ERC2: variants seen among roughly 807,000 people sequenced by gnomAD.
ERC2 encodes ELKS/RAB6-interacting/CAST family member 2.
A neutral mutation model predicts 114.8 loss-of-function variants in ERC2; 42 were observed. The ratio of observed to expected loss-of-function variants is 0.37; its 90% confidence interval spans 0.29 to 0.47. The LOEUF (loss-of-function observed/expected upper bound fraction) is 0.47. Among genes scored for constraint, ERC2 ranks in the 20% least tolerant of loss-of-function variants. The pLI, the probability that ERC2 is intolerant of heterozygous loss-of-function variation, is 0.99. For synonymous variants in ERC2, 454 were observed against 425.5 expected (o/e 1.07, Z -0.82); for missense variants, 939 against 1,150.7 (o/e 0.82, Z 2.66).
At chr3:55,654,887 T>C (rs1172455782) in intron 17 of ERC2, among the ~76,000 whole-genome samples, 2 of 152,230 alleles carry the variant, frequency 1.3e-5, no homozygotes, top group African/African-American at 4.8e-5. Context: ...TCATTGACAC[T>C]GTGGGTGCCC....
At chr3:56,218,982 C>T (rs2049706775) in intron 3 of ERC2, among the ~76,000 whole-genome samples, 3 of 151,888 alleles carry the variant, frequency 2.0e-5, no homozygotes, top group Admixed American at 6.6e-5. Context: ...CACACCGGGG[C>T]CTGTTGTGGG....
chr3:55,691,573 A>AAAAAAAAAT (rs1553631525), intron 16 of ERC2, among the ~76,000 whole-genome samples: 4 of 39,742 alleles, frequency 1.0e-4, no homozygotes, highest in African/African-American at 1.9e-4. Flanking sequence ...AAAAAAAAAA[A>AAAAAAAAAT]ATATATATAT....
intron 2 of ERC2, among the ~76,000 whole-genome samples, chr3:56,370,580 G>A (rs1415492636): frequency 9.4e-5 from 14 of 149,006 alleles, no homozygotes; most frequent in Non-Finnish European, 1.8e-4. Flanking sequence ...TTTGGGTTTT[G>A]GTGGGGGTTT....
At chr3:55,674,500 T>C (rs2061696614) in intron 17 of ERC2, among the ~76,000 whole-genome samples, 1 of 152,200 alleles carries the variant, frequency 6.6e-6, no homozygotes, top group African/African-American at 2.4e-5. Context: ...AAAATGAGCA[T>C]AAAAGTAATA....
chr3:55,997,538 CATATT>C (rs1353587845), intron 10 of ERC2, among the ~76,000 whole-genome samples: 5 of 147,666 alleles, frequency 3.4e-5, no homozygotes. Context: ...TTATATATAA[CATATT>C]ATAACTCTAT....
intron 14 of ERC2, among the ~76,000 whole-genome samples, chr3:55,779,234 C>A (rs1329245555): frequency 6.7e-6 from 1 of 150,026 alleles, no homozygotes; most frequent in African/African-American, 2.5e-5. Context: ...GTAATCCTAG[C>A]ACTTTGGGAG....
At chr3:55,589,669 G>C (rs1477072616) in intron 17 of ERC2, among the ~76,000 whole-genome samples, 2 of 152,124 alleles carry the variant, frequency 1.3e-5, no homozygotes, top group Non-Finnish European at 1.5e-5. Context: ...CAGAACTCGT[G>C]GACAGAGGCA....
intron 17 of ERC2, among the ~76,000 whole-genome samples, chr3:55,545,020 C>T (rs1380349277): frequency 6.6e-6 from 1 of 152,224 alleles, no homozygotes. Flanking sequence ...CTACTTTCCA[C>T]ATCTACTGAA....
At chr3:56,116,354 C>A (rs2079233534) in intron 6 of ERC2, among the ~76,000 whole-genome samples, 1 of 152,286 alleles carries the variant, frequency 6.6e-6, no homozygotes, top group East Asian at 1.9e-4. Context: ...GCAGATGTAC[C>A]TCTGGCATTG....
At chr3:56,359,509 C>A (rs892638657) in intron 2 of ERC2, among the ~76,000 whole-genome samples, 6 of 152,198 alleles carry the variant, frequency 3.9e-5, no homozygotes, top group Admixed American at 2.6e-4. Flanking sequence ...TTCTTAGAAC[C>A]AGTGTACAAA....
intron 14 of ERC2, among the ~76,000 whole-genome samples, chr3:55,798,459 G>A (rs556615367): frequency 3.9e-5 from 6 of 152,142 alleles, no homozygotes; most frequent in Non-Finnish European, 7.4e-5. Context: ...TTAGCCAGGC[G>A]TGGTGGCACG....
chr3:55,637,092 G>T (rs1160758977), intron 17 of ERC2, among the ~76,000 whole-genome samples: 2 of 152,162 alleles, frequency 1.3e-5, no homozygotes, highest in Non-Finnish European at 2.9e-5. Flanking sequence ...ATAACAGCCT[G>T]TTGCACCCAG....
intron 17 of ERC2, among the ~76,000 whole-genome samples, chr3:55,681,988 G>A (rs1366289777): frequency 6.6e-6 from 1 of 150,858 alleles, no homozygotes; most frequent in Non-Finnish European, 1.5e-5. Context: ...TCACAGAAGA[G>A]CCCCAAGTAG....
intron 2 of ERC2, among the ~76,000 whole-genome samples, chr3:56,313,233 G>A (rs1019248612): frequency 3.3e-5 from 5 of 150,872 alleles, no homozygotes; most frequent in African/African-American, 1.2e-4. Flanking sequence ...TTTTAGGAGA[G>A]GTAATTAAAT....
intron 10 of ERC2, among the ~76,000 whole-genome samples, chr3:56,005,511 T>A (rs1043096744): frequency 6.6e-6 from 1 of 152,070 alleles, no homozygotes; most frequent in Non-Finnish European, 1.5e-5. Flanking sequence ...AATATGTGAA[T>A]CTCTTCCTTT....
At chr3:55,532,892 C>T (rs2053756949) in intron 17 of ERC2, among the ~76,000 whole-genome samples, 1 of 152,236 alleles carries the variant, frequency 6.6e-6, no homozygotes, top group Admixed American at 6.5e-5. Flanking sequence ...ATAGCAGCAA[C>T]TGAGAAAGAC....
chr3:55,594,925 C>T (rs1049597224), intron 17 of ERC2, among the ~76,000 whole-genome samples: 3 of 152,136 alleles, frequency 2.0e-5, no homozygotes, highest in Non-Finnish European at 4.4e-5. Context: ...CTTACCACTA[C>T]CCTCCCCCCA....
At chr3:55,733,427 CTCTCTCATTCTCTCTG>C (rs2065387833) in intron 15 of ERC2, among the ~76,000 whole-genome samples, 1 of 151,256 alleles carries the variant, frequency 6.6e-6, no homozygotes, top group Admixed American at 6.6e-5. Context: ...TTCTCTCTCT[CTCTCTCATTCTCTCTG>C]TCTCTCATTC....
At chr3:56,428,620 A>G (rs1234176883) in intron 2 of ERC2, among the ~76,000 whole-genome samples, 1 of 152,360 alleles carries the variant, frequency 6.6e-6, no homozygotes, top group African/African-American at 2.4e-5. Context: ...AAGCAGTAAT[A>G]ATAAAGGAAA....
Sources: allele counts gnomAD v4.1 joint callset (sites outside exome capture counted in the v4.1 genomes callset), GRCh38; gene constraint gnomAD v4.1.1; transcripts MANE v1.5; gene names NCBI Gene and HGNC (gene_info 2026-07-23, HGNC 2026-07-21).